Variants in DPF3 observed in about 807,000 individuals in gnomAD.
DPF3 encodes the protein zinc finger protein DPF3.
DPF3 carries 18 observed loss-of-function variants against 56.8 expected under a neutral mutation model. That is an observed-to-expected ratio of 0.32 (90% CI 0.22 to 0.47). DPF3 has a LOEUF of 0.47. DPF3 is among the 20% of genes least tolerant of loss of function. DPF3 has a pLI of 1.00. For synonymous variants in DPF3, 188 were observed against 180.2 expected, an observed-to-expected ratio of 1.04 and a Z score of -0.35; for missense variants, 403 against 488.8, an observed-to-expected ratio of 0.82 and a Z score of 1.65.
intron 7 of DPF3, among the ~76,000 whole-genome samples, chr14:72,679,925 A>T (rs1339339732): frequency 6.6e-6 from 1 of 152,056 alleles, no homozygotes; most frequent in African/African-American, 2.4e-5. Flanking sequence ...GTAAGGGTGG[A>T]CCCCGACGTG....
chr14:72,806,590 C>T (rs1882792954), intron 1 of DPF3, among the ~76,000 whole-genome samples: 1 of 152,154 alleles, frequency 6.6e-6, no homozygotes, highest in African/African-American at 2.4e-5. Context: ...TATCGTAATC[C>T]TTTTTTCCCC....
At chr14:72,860,387 G>T (rs1191974194) in intron 1 of DPF3, among the ~76,000 whole-genome samples, 1 of 151,922 alleles carries the variant, frequency 6.6e-6, no homozygotes, top group Non-Finnish European at 1.5e-5. Flanking sequence ...GTCTCACTAT[G>T]TTGCCGAGGC....
At chr14:72,855,822 G>T (rs1418679127) in intron 1 of DPF3, among the ~76,000 whole-genome samples, 26 of 152,142 alleles carry the variant, frequency 1.7e-4, no homozygotes. Flanking sequence ...TACCATCAGG[G>T]TACTCTTAGC....
chr14:72,751,346 T>G (rs1890565692), intron 3 of DPF3, among the ~76,000 whole-genome samples: 1 of 152,240 alleles, frequency 6.6e-6, no homozygotes, highest in African/African-American at 2.4e-5. Context: ...CCTAGCTACC[T>G]GTAAGTCTTC....
At chr14:72,847,299 G>A (rs1364334876) in intron 1 of DPF3, among the ~76,000 whole-genome samples, 2 of 152,162 alleles carry the variant, frequency 1.3e-5, no homozygotes, top group African/African-American at 2.4e-5. Context: ...TTAAGTGATG[G>A]CGCTGGGATT....
At chr14:72,693,036 C>T (rs1260087450) in intron 7 of DPF3, 40 bp downstream of exon 7, 1 of 1,612,206 alleles carries the variant, frequency 6.2e-7, no homozygotes, top group Non-Finnish European at 8.5e-7. Flanking sequence ...CCTGTCTAAC[C>T]CACTTCTTCA....
intron 1 of DPF3, among the ~76,000 whole-genome samples, chr14:72,781,174 G>T (rs548084880): frequency 6.6e-6 from 1 of 152,202 alleles, no homozygotes; most frequent in African/African-American, 2.4e-5. Context: ...AGCTGGTTTT[G>T]TTTCTGTGGG....
intron 3 of DPF3, among the ~76,000 whole-genome samples, chr14:72,739,663 G>C (rs1257494222): frequency 6.6e-6 from 1 of 152,222 alleles, no homozygotes; most frequent in Non-Finnish European, 1.5e-5. Flanking sequence ...CCAAGAATGA[G>C]ACGCAGCTGG....
At chr14:72,891,097 C>T (rs925537815) in intron 1 of DPF3, among the ~76,000 whole-genome samples, 3 of 152,170 alleles carry the variant, frequency 2.0e-5, no homozygotes, top group Non-Finnish European at 4.4e-5. Flanking sequence ...TTGTGCCATC[C>T]CATCACCCCA....
chr14:72,661,961 T>G, intron 8 of DPF3: 1 of 984,662 alleles, frequency 1.0e-6, no homozygotes, highest in East Asian at 1.1e-4. Context: ...AATTCCTTCC[T>G]GAGCTAGACC....
At chr14:72,840,272 C>A (rs1378366523) in intron 1 of DPF3, among the ~76,000 whole-genome samples, 1 of 152,116 alleles carries the variant, frequency 6.6e-6, no homozygotes, top group African/African-American at 2.4e-5. Flanking sequence ...GGGCTCAGAG[C>A]CTTGTTCTTA....
Position 72,774,639 on chromosome 14 carries a change from C to A in DPF3, c.33-2746G>T, listed in dbSNP as rs552955547. Among the ~76,000 whole-genome samples, 39 of 152,050 alleles carry A rather than the reference C, an allele frequency of 2.6e-4. No homozygotes were observed. The Middle Eastern group carries it at 0.01, about 40-fold the overall frequency. ...TGACAAGCATCCAAAAAAAAACAAA[C>A]AACAAAACAAAAACCCTTTGCTCCT... On this transcript the variant is annotated intron_variant, in intron 1 of 10. Transcript: ENST00000556509.
chr14:72,839,450 T>A (rs1478248635), intron 1 of DPF3, among the ~76,000 whole-genome samples: 1 of 152,126 alleles, frequency 6.6e-6, no homozygotes, highest in East Asian at 1.9e-4. Context: ...AGTTCTTCCG[T>A]GATTAGCGGG....
In DPF3 at chr14:72,674,299, A is replaced by G. The variant is rs770679649; in HGVS notation, c.812T>C (p.Met271Thr). The G allele has an allele frequency of 1.2e-6, 2 of 1,612,530 alleles. No homozygotes were observed. The highest frequency in any genetic ancestry group is 1.3e-5 in the African/African-American group (1 of 74,872). ...YCDFCLGGSN[M>T]NKKSGRPEEL... ...TTCAGGCCGCCCACTCTTCTTGTTC[A>G]TGTTGGAGCCCCCCAAGCAGAAGTC... Residue 271 changes from methionine (M) to threonine (T), a missense_variant, in exon 8 of 11, where the codon ATG becomes ACG. Transcript: ENST00000556509.
At chr14:72,853,031 T>TTGTGTGTGTGTGTGTGTGTG (rs1358702920) in intron 1 of DPF3, among the ~76,000 whole-genome samples, 6 of 51,944 alleles carry the variant, frequency 1.2e-4, no homozygotes, top group African/African-American at 2.4e-4. Flanking sequence ...TGCCATAGCC[T>TTGTGTGTGTGTGTGTGTGTG]TGCGTGTGTG....
At chr14:72,674,216 G>A (rs371871042) in intron 8 of DPF3, 24 bp downstream of exon 8, 41 of 1,606,182 alleles carry the variant, frequency 2.6e-5, no homozygotes, top group African/African-American at 1.3e-4. Flanking sequence ...ACGGGCACCC[G>A]GTGTGGGAAG....
chr14:72,742,261 CCT>C (rs1179073746), intron 3 of DPF3, among the ~76,000 whole-genome samples: 1 of 152,160 alleles, frequency 6.6e-6, no homozygotes, highest in Non-Finnish European at 1.5e-5. Flanking sequence ...GTCATTTCCC[CCT>C]GATGCACTTG....
intron 1 of DPF3, among the ~76,000 whole-genome samples, chr14:72,787,260 A>G (rs1461371985): frequency 3.9e-5 from 6 of 152,238 alleles, no homozygotes; most frequent in South Asian, 2.1e-4. Flanking sequence ...CCATCATTCT[A>G]TCATCCCATG....
At chr14:72,870,344 C>T (rs896086590) in intron 1 of DPF3, among the ~76,000 whole-genome samples, 3 of 152,210 alleles carry the variant, frequency 2.0e-5, no homozygotes, top group Non-Finnish European at 4.4e-5. Flanking sequence ...GGGCAGAGCT[C>T]ATCCAGGAAA....
Sources: allele counts gnomAD v4.1 joint callset (sites outside exome capture counted in the v4.1 genomes callset), GRCh38; gene constraint gnomAD v4.1.1; transcripts MANE v1.5; gene names NCBI Gene and HGNC (gene_info 2026-07-23, HGNC 2026-07-21).